Variants in ROCK1 observed in about 807,000 individuals in gnomAD.
The protein encoded by ROCK1 is Rho associated coiled-coil containing protein kinase 1.
In ROCK1, 36 loss-of-function variants were observed where a neutral mutation model predicts 196.8. The observed-to-expected ratio is 0.18, with a 90% CI of 0.14 to 0.24. The LOEUF is 0.24. ROCK1 is among the 10% of genes least tolerant of loss of function. The probability of loss-of-function intolerance (pLI) is 1.00; values close to 1 mark genes in which losing one functional copy is unlikely to be tolerated. For synonymous variants in ROCK1, 443 were observed against 515.9 expected (o/e 0.86, Z 1.91); for missense variants, 920 against 1,562.0 (o/e 0.59, Z 6.93).
chr18:21,081,208 TA>T (rs1471915534), intron 1 of ROCK1, among the ~76,000 whole-genome samples: 2 of 151,928 alleles, frequency 1.3e-5, no homozygotes, highest in East Asian at 3.9e-4. Flanking sequence ...TAAACAATAA[TA>T]GGGGAAAACT....
intron 9 of ROCK1, among the ~76,000 whole-genome samples, chr18:21,030,899 C>A (rs2036000355): frequency 6.6e-6 from 1 of 152,042 alleles, no homozygotes; most frequent in Non-Finnish European, 1.5e-5. Context: ...GCAAAAACGA[C>A]CAGAGCAACT....
intron 16 of ROCK1, among the ~76,000 whole-genome samples, chr18:20,994,011 C>CATATTTAGAA (rs2035649314): frequency 5.9e-5 from 9 of 152,296 alleles, no homozygotes; most frequent in Admixed American, 5.9e-4. Context: ...GTACTCTAGT[C>CATATTTAGAA]ACCTCCCATA....
chr18:21,082,733 ATGAAAGAC>A (rs1230151286), intron 1 of ROCK1, among the ~76,000 whole-genome samples: 1 of 152,256 alleles, frequency 6.6e-6, no homozygotes, highest in African/African-American at 2.4e-5. Flanking sequence ...ATACTCAATG[ATGAAAGAC>A]TGAAAGCTTT....
In ROCK1 at chr18:20,950,132, T is replaced by C. The variant is rs1471365037; in HGVS notation, c.*1252A>G. On this transcript the variant is annotated 3_prime_UTR_variant, in exon 33 of 33. Coordinates refer to ENST00000399799, the MANE Select transcript of ROCK1 (RefSeq NM_005406.3). ...TCATACTGTCCATATGAATCAACTCTTGTTACTGGACAAGAGTTTAACAGT... is the reference window on the plus strand; with the variant it reads ...TCATACTGTCCATATGAATCAACTCCTGTTACTGGACAAGAGTTTAACAGT... 1 of 152,686 alleles carries C rather than the reference T, an allele frequency of 6.5e-6. No individual in the cohort carries two copies. Among genetic ancestry groups the C allele is most frequent in the African/African-American group, 2.4e-5 (1 of 41,460 alleles). The allele number at this position is 152,686 out of a possible 1,614,324, so 9.5% of individuals were successfully genotyped here.
chr18:20,983,153 G>A (rs1022394475), intron 20 of ROCK1, among the ~76,000 whole-genome samples: 4 of 151,208 alleles, frequency 2.6e-5, no homozygotes, highest in East Asian at 3.9e-4. Flanking sequence ...AATTTTTACA[G>A]AGAAAAGCAG....
chr18:21,028,635 T>C, intron 10 of ROCK1, 141 bp downstream of exon 10: 1 of 739,384 alleles, frequency 1.4e-6, no homozygotes, highest in Non-Finnish European at 2.1e-6. Flanking sequence ...TATGAAATAC[T>C]GGAAATATCA....
At chr18:21,029,169 A>T (rs2035985543) in intron 9 of ROCK1, among the ~76,000 whole-genome samples, 1 of 152,188 alleles carries the variant, frequency 6.6e-6, no homozygotes, top group African/African-American at 2.4e-5. Context: ...AATTATCTAT[A>T]CCTTGGGTTT....
chr18:20,979,804 G>A lies in ROCK1; in HGVS notation c.2654+106C>T, dbSNP rs1407030311. 4 of 1,333,798 alleles carry A rather than the reference G, an allele frequency of 3.0e-6. No homozygotes were observed. In the South Asian group the frequency reaches 5.7e-5, roughly 19 times the overall value. The allele number at this position is 1,333,798 out of a possible 1,614,324, so 82.6% of individuals were successfully genotyped here. A position where few individuals can be genotyped will look rare whatever the true frequency, so the allele number is the denominator to read the frequency against. ...GTTCTGAATTAGCCCAATAAACTGT[G>A]TTCTATACCATTCCCACCAGAATAA... On this transcript the variant is annotated intron_variant, in intron 22 of 32. Transcript: ENST00000399799.
intron 10 of ROCK1, among the ~76,000 whole-genome samples, chr18:21,026,556 T>C (rs1024675697): frequency 6.6e-6 from 1 of 151,980 alleles, no homozygotes; most frequent in Non-Finnish European, 1.5e-5. Flanking sequence ...CACAGAGTGT[T>C]AGGGAGGAAA....
chr18:20,975,952 T>C (rs2143375930), intron 22 of ROCK1, among the ~76,000 whole-genome samples: 2 of 152,298 alleles, frequency 1.3e-5, no homozygotes, highest in South Asian at 4.1e-4. Flanking sequence ...CTGGAAATAT[T>C]CTCTTACCCC....
At chr18:20,963,338 C>T (rs1352246603) in intron 27 of ROCK1, among the ~76,000 whole-genome samples, 1 of 152,038 alleles carries the variant, frequency 6.6e-6, no homozygotes, top group Non-Finnish European at 1.5e-5. Context: ...ATTTATTTAG[C>T]TATACCACAA....
chr18:21,092,176 C>T (rs2036576122), intron 1 of ROCK1, among the ~76,000 whole-genome samples: 1 of 152,090 alleles, frequency 6.6e-6, no homozygotes, highest in African/African-American at 2.4e-5. Context: ...TTCCTTTTGA[C>T]AGGTGAAGGA....
rs1316981358 is a variant in ROCK1 at position 21,042,180 on chromosome 18, G to T, written c.876C>A (p.Asn292Lys). The change falls in exon 8 of 33, where the codon AAC becomes AAA. Residue 292 changes from asparagine to lysine, a missense_variant. Coordinates refer to ENST00000399799, the MANE Select transcript of ROCK1 (RefSeq NM_005406.3). Reference sequence around the variant, plus strand: ...CAGGAAAGGTAAGTGAATTTTTATGGTTCATAATTTTACTGTAAGTTCCAA... The same window carrying T: ...CAGGAAAGGTAAGTGAATTTTTATGTTTCATAATTTTACTGTAAGTTCCAA... The part of the protein sequence containing the change: ...SLVGTYSKIM[N>K]HKNSLTFPDD... 1 of 1,603,014 alleles carries T rather than the reference G, an allele frequency of 6.2e-7. No homozygotes were observed.
intron 27 of ROCK1, among the ~76,000 whole-genome samples, chr18:20,965,846 C>T (rs1598510397): frequency 1.3e-5 from 2 of 152,232 alleles, no homozygotes; most frequent in East Asian, 3.9e-4. Flanking sequence ...CCTAGCAAAG[C>T]CACACAAGAA....
intron 13 of ROCK1, among the ~76,000 whole-genome samples, chr18:21,009,293 G>A (rs371053627): frequency 3.3e-5 from 5 of 149,836 alleles, no homozygotes; most frequent in East Asian, 2.0e-4. Context: ...GATTACAGGC[G>A]TGAGTCACCG....
In ROCK1 at chr18:20,959,031, A is replaced by T. The variant is rs1173155769; in HGVS notation, c.3512+809T>A. On this transcript the variant is annotated intron_variant, in intron 29 of 32. Transcript: ENST00000399799. ...TTTATATAATATATATAATATATAT[A>T]TTTTATATAATATATAATATATATA... Among the ~76,000 whole-genome samples the T allele has an allele frequency of 5.0e-3, 327 of 65,134 alleles. 9 individuals are homozygous for T. Among genetic ancestry groups the T allele is most frequent in the African/African-American group, 0.031 (314 of 10,068 alleles). 42.7% of individuals were successfully genotyped at this position (65,134 alleles called of 152,430 possible).
rs372527226 is a variant in ROCK1 at position 21,072,840 on chromosome 18, G to A, written c.94-2227C>T. On this transcript the variant is annotated intron_variant, in intron 1 of 32. Coordinates refer to ENST00000399799, the MANE Select transcript of ROCK1 (RefSeq NM_005406.3). ...AATCTCAGCACTTTGGGAGGCCGAG[G>A]CAGGCGTACTGCCTGAGATCAGGAG... Among the ~76,000 whole-genome samples the A allele has an allele frequency of 4.5e-4, 69 of 152,114 alleles. 1 individual carries two copies. The East Asian group carries it at 0.01, about 23-fold the overall frequency.
chr18:21,042,427 G>GAAGC (rs1189561762), intron 7 of ROCK1, 138 bp downstream of exon 7: 1 of 1,070,670 alleles, frequency 9.3e-7, no homozygotes, highest in East Asian at 2.7e-5. Context: ...AAACACATAC[G>GAAGC]AAGCAGGTTT....
chr18:20,974,466 C>T (rs1398939953), intron 22 of ROCK1, among the ~76,000 whole-genome samples: 1 of 152,136 alleles, frequency 6.6e-6, no homozygotes, highest in Non-Finnish European at 1.5e-5. Flanking sequence ...CTTTAAGACA[C>T]CAGAAAACCT....
Sources: allele counts gnomAD v4.1 joint callset (sites outside exome capture counted in the v4.1 genomes callset), GRCh38; gene constraint gnomAD v4.1.1; transcripts MANE v1.5; gene names NCBI Gene and HGNC (gene_info 2026-07-23, HGNC 2026-07-21).